The following NUFIP2 variants were observed in gnomAD, a reference collection of about 807,000 sequenced individuals.
The protein encoded by NUFIP2 is FMR1-interacting protein NUFIP2.
Under a neutral mutation model 56.9 loss-of-function variants are expected in NUFIP2, and 6 were observed. The observed-to-expected ratio is 0.11, with a 90% CI of 0.06 to 0.21. The LOEUF (loss-of-function observed/expected upper bound fraction) is 0.21, where lower values mean the gene tolerates loss of function less well. Ranked by LOEUF, NUFIP2 falls within the 10% of genes least tolerant of loss-of-function variation. NUFIP2 has a pLI of 1.00. For missense variants in NUFIP2, 828 were observed against 826.8 expected (o/e 1.00, Z -0.02); for synonymous variants, 321 against 298.2 (o/e 1.08, Z -0.79).
intron 1 of NUFIP2, among the ~76,000 whole-genome samples, chr17:29,292,478 G>A (rs945543881): frequency 2.6e-5 from 4 of 151,316 alleles, no homozygotes; most frequent in Non-Finnish European, 5.9e-5. Flanking sequence ...CAGAGGCGGA[G>A]TCGTGAGCGA....
At position 29,262,755 on chromosome 17, in the gene NUFIP2, T is replaced by C. The variant is rs914425546; in HGVS notation, c.*1784A>G. 1 of 149,848 alleles carries C rather than the reference T, an allele frequency of 6.7e-6. No homozygotes were observed. Among genetic ancestry groups the C allele is most frequent in the Non-Finnish European group, 1.5e-5 (1 of 67,494 alleles). 9.3% of individuals were successfully genotyped at this position (149,848 alleles called of 1,614,324 possible). On this transcript the variant is annotated 3_prime_UTR_variant, in exon 4 of 4. Coordinates refer to ENST00000225388, the MANE Select transcript of NUFIP2 (RefSeq NM_020772.3). ...TATATATATATATATATATTATGTA[T>C]AAAAAAAAGTTTTGTTTACATCAAG...
chr17:29,284,514 T>C (rs897482552), intron 2 of NUFIP2, among the ~76,000 whole-genome samples: 2 of 151,866 alleles, frequency 1.3e-5, no homozygotes, highest in African/African-American at 4.8e-5. Flanking sequence ...GAGACCAGCC[T>C]GGCCAACACG....
In NUFIP2 at chr17:29,262,243, G is replaced by C. The variant is rs933946387; in HGVS notation, c.*2296C>G. On this transcript the variant is annotated 3_prime_UTR_variant, in exon 4 of 4. Transcript: ENST00000225388. ...CAAGCAAAATGGACATTTAAAAAAG[G>C]GGACTAGAGAGGGGAATCTGGCCCT... The C allele has an allele frequency of 1.3e-5, 2 of 152,530 alleles. No individual in the cohort carries two copies. The highest frequency in any genetic ancestry group is 2.9e-5 in the Non-Finnish European group (2 of 68,024). 9.4% of individuals were successfully genotyped at this position (152,530 alleles called of 1,614,324 possible).
At chr17:29,293,666 AG>A in intron 1 of NUFIP2, 116 bp downstream of exon 1, 3 of 1,096,426 alleles carry the variant, frequency 2.7e-6, no homozygotes, top group Non-Finnish European at 3.8e-6. Flanking sequence ...CCAGAGCCGG[AG>A]GGGACACACA....
chr17:29,276,379 C>T (rs376702808), intron 2 of NUFIP2, among the ~76,000 whole-genome samples: 26 of 152,096 alleles, frequency 1.7e-4, no homozygotes, highest in African/African-American at 6.3e-4. Flanking sequence ...CTTAGGGGTT[C>T]CAATTACACT....
In NUFIP2 at chr17:29,262,117, G is replaced by GT. The variant is rs1353168159; in HGVS notation, c.*2421dup. The GT allele has an allele frequency of 5.9e-5, 9 of 152,206 alleles. No homozygotes were observed. The highest frequency in any genetic ancestry group is 1.3e-4 in the Non-Finnish European group (9 of 67,952). The allele number at this position is 152,206 out of a possible 1,614,324, so 9.4% of individuals were successfully genotyped here. The stretch of plus-strand genomic sequence containing the variant: ...CAGGTGGGGTCTGGGTTTGTTTTTT[G>GT]TTTTTTCCTTTTCAAATATATACTC... On this transcript the variant is annotated 3_prime_UTR_variant, in exon 4 of 4. Transcript: ENST00000225388.
chr17:29,291,809 G>A (rs906574300), intron 1 of NUFIP2, among the ~76,000 whole-genome samples: 2 of 152,038 alleles, frequency 1.3e-5, no homozygotes, highest in Non-Finnish European at 1.5e-5. Flanking sequence ...AAATCTTTAG[G>A]ATTAAAACAC....
Position 29,267,472 on chromosome 17 carries a change from AT to A in NUFIP2, c.2035+25del, listed in dbSNP as rs574925798. 1,248 of 1,344,088 alleles carry A rather than the reference AT, an allele frequency of 9.3e-4. 1 individual carries two copies. Among genetic ancestry groups the A allele is most frequent in the Non-Finnish European group, 1.2e-3 (1,100 of 953,894 alleles). The allele number at this position is 1,344,088 out of a possible 1,614,324, so 83.3% of individuals were successfully genotyped here. On this transcript the variant is annotated intron_variant, in intron 3 of 3. Coordinates refer to ENST00000225388, the MANE Select transcript of NUFIP2 (RefSeq NM_020772.3). ...TGTCCAGTGGTTACTTATTAGTGAC[AT>A]TTTAAGTAATCTAATCATTCTTACC...
intron 2 of NUFIP2, among the ~76,000 whole-genome samples, chr17:29,270,280 T>C (rs971759556): frequency 2.1e-5 from 3 of 143,746 alleles, no homozygotes; most frequent in African/African-American, 8.0e-5. Flanking sequence ...CCCTTTCTCC[T>C]GAGAGGTCTA....
At position 29,286,849 on chromosome 17, in the gene NUFIP2, G is replaced by A. The variant is rs2069178931; in HGVS notation, c.1145C>T (p.Ser382Leu). 1.2e-6 allele frequency: 2 copies of A among 1,614,144 alleles called. No homozygotes were observed. The highest frequency in any genetic ancestry group is 2.2e-5 in the East Asian group (1 of 44,882). The change falls in exon 2 of 4, where the codon TCA becomes TTA. Residue 382 changes from serine (S) to leucine (L), a missense_variant. Physicochemically the swap from Ser to Leu is moderately radical, Grantham distance 145 (BLOSUM62 -2). Coordinates refer to ENST00000225388, the MANE Select transcript of NUFIP2 (RefSeq NM_020772.3). The stretch of plus-strand genomic sequence containing the variant: ...AGTTTCCCCGGTAGATGATGAAGAT[G>A]ATGAAGATGAAGTTGGTGACACAGA... ...NSSVSPTSSS[S>L]SSSSTGETQT...
intron 1 of NUFIP2, 26 bp downstream of exon 1, chr17:29,293,744 CCCCCAACCCCCTT>C: frequency 6.2e-6 from 8 of 1,290,934 alleles, no homozygotes; most frequent in Non-Finnish European, 8.7e-6. Context: ...CTGTCCTCCA[CCCCCAACCCCCTT>C]CCCCCACCCG....
At chr17:29,276,211 GT>G (rs1598432413) in intron 2 of NUFIP2, among the ~76,000 whole-genome samples, 2 of 152,086 alleles carry the variant, frequency 1.3e-5, no homozygotes, top group South Asian at 2.1e-4. Context: ...CTTTAAACTT[GT>G]ACCATTCATC....
intron 2 of NUFIP2, among the ~76,000 whole-genome samples, chr17:29,268,558 C>T (rs910110654): frequency 1.3e-5 from 2 of 152,082 alleles, no homozygotes; most frequent in Non-Finnish European, 2.9e-5. Context: ...ACTCTTGTTG[C>T]CCAGGCTGGA....
chr17:29,284,841 G>A (rs1030608550), intron 2 of NUFIP2, among the ~76,000 whole-genome samples: 2 of 152,060 alleles, frequency 1.3e-5, no homozygotes, highest in African/African-American at 4.8e-5. Context: ...TCTCAACTAT[G>A]CTAATCATAC....
In NUFIP2 at chr17:29,286,099, T is replaced by G. The variant is rs1341655928; in HGVS notation, c.1895A>C (p.Asn632Thr). Reference sequence around the variant, plus strand: ...TTCTTTGGCAGAGCCTAACAAAGTGTTCGTAGGAGAGGCCAGAGGATTTTG... The same window carrying G: ...TTCTTTGGCAGAGCCTAACAAAGTGGTCGTAGGAGAGGCCAGAGGATTTTG... ...ESQNPLASPT[N>T]TLLGSAKEQR... Residue 632 changes from asparagine (N) to threonine (T), a missense_variant, in exon 2 of 4, where the codon AAC (asparagine) becomes ACC (threonine). This residue lies in a region of NUFIP2 where 404 missense variants were observed against 380.3 expected (regional missense o/e 1.06). Coordinates refer to ENST00000225388, the MANE Select transcript of NUFIP2 (RefSeq NM_020772.3). 2 of 1,613,986 alleles carry G rather than the reference T, an allele frequency of 1.2e-6. No individual in the cohort carries two copies. Among genetic ancestry groups the G allele is most frequent in the Admixed American group, 3.3e-5 (2 of 59,988 alleles).
chr17:29,264,568 T>C lies in NUFIP2; in HGVS notation c.2059A>G (p.Asn687Asp). The C allele has an allele frequency of 6.2e-7, 1 of 1,606,610 alleles. No homozygotes were observed. ...KQDPKRIITY[N>D]EAMDSPDQ ...TGATCTGGACTATCCATGGCTTCATTGTAAGTGATTATCCTTTTGGGATCT... is the reference window on the plus strand; with the variant it reads ...TGATCTGGACTATCCATGGCTTCATCGTAAGTGATTATCCTTTTGGGATCT... The change falls in exon 4 of 4, where the codon AAT becomes GAT. Residue 687 changes from asparagine to aspartate, a missense_variant. Physicochemically the swap from Asn to Asp is conservative, Grantham distance 23. Transcript: ENST00000225388.
intron 2 of NUFIP2, 79 bp from the exon 3 acceptor site, chr17:29,267,609 A>C: frequency 2.2e-6 from 2 of 916,022 alleles, no homozygotes; most frequent in South Asian, 3.0e-5. Flanking sequence ...TTAAATCTAA[A>C]AATCCTAGAC....
chr17:29,279,669 T>C (rs1372230986), intron 2 of NUFIP2, among the ~76,000 whole-genome samples: 1 of 152,142 alleles, frequency 6.6e-6, no homozygotes. Flanking sequence ...CATGCCACCA[T>C]GCCCAGCTAA....
intron 2 of NUFIP2, among the ~76,000 whole-genome samples, chr17:29,273,983 A>T (rs2069092241): frequency 6.6e-6 from 1 of 152,174 alleles, no homozygotes; most frequent in Admixed American, 6.5e-5. Flanking sequence ...ATGAAAAAAA[A>T]ATACTACTCA....
Sources: allele counts gnomAD v4.1 joint callset (sites outside exome capture counted in the v4.1 genomes callset), GRCh38; gene constraint gnomAD v4.1.1; regional missense constraint gnomAD v4.1.1; transcripts MANE v1.5; gene names NCBI Gene and HGNC (gene_info 2026-07-23, HGNC 2026-07-21).